The following CNTN1 variants were observed in gnomAD, a reference collection of about 807,000 sequenced individuals.
The protein encoded by CNTN1 is contactin 1.
A neutral mutation model predicts 126.4 loss-of-function variants in CNTN1; 38 were observed. The ratio of observed to expected loss-of-function variants is 0.30; its 90% CI spans 0.23 to 0.39. The LOEUF is 0.39. Ranked by LOEUF, CNTN1 falls within the 10% of genes least tolerant of loss-of-function variation. The probability of loss-of-function intolerance (pLI) is 1.00; values close to 1 mark genes in which losing one functional copy is unlikely to be tolerated. For synonymous variants in CNTN1, 413 were observed against 422.6 expected (o/e 0.98, Z 0.28); for missense variants, 1,009 against 1,248.4 (o/e 0.81, Z 2.89).
At chr12:40,902,729 A>G (rs1469434024) in intron 1 of CNTN1, among the ~76,000 whole-genome samples, 5 of 152,238 alleles carry the variant, frequency 3.3e-5, no homozygotes, top group Non-Finnish European at 7.3e-5. Context: ...ACACACTTTC[A>G]TTACATAGCA....
At chr12:40,761,537 T>C (rs1938865799) in intron 1 of CNTN1, among the ~76,000 whole-genome samples, 1 of 152,112 alleles carries the variant, frequency 6.6e-6, no homozygotes, top group African/African-American at 2.4e-5. Flanking sequence ...CATATTTTGG[T>C]TTTATTTTAT....
At chr12:40,749,370 CT>C (rs1565682213) in intron 1 of CNTN1, among the ~76,000 whole-genome samples, 2 of 152,016 alleles carry the variant, frequency 1.3e-5, no homozygotes, top group Non-Finnish European at 2.9e-5. Flanking sequence ...AAAAATATTT[CT>C]TTTTTTATCC....
intron 1 of CNTN1, among the ~76,000 whole-genome samples, chr12:40,791,570 A>C (rs1940221156): frequency 6.6e-6 from 1 of 152,142 alleles, no homozygotes; most frequent in African/African-American, 2.4e-5. Context: ...CTATTCCTTT[A>C]AATATTGTAG....
chr12:41,048,326 T>C (rs1949590921), intron 23 of CNTN1, among the ~76,000 whole-genome samples: 1 of 152,186 alleles, frequency 6.6e-6, no homozygotes, highest in Non-Finnish European at 1.5e-5. Context: ...ACCTTCTTTT[T>C]TTCTTTCCTT....
intron 1 of CNTN1, among the ~76,000 whole-genome samples, chr12:40,812,068 C>G (rs2136506331): frequency 6.6e-6 from 1 of 151,412 alleles, no homozygotes; most frequent in African/African-American, 2.4e-5. Context: ...TGCTGCATCC[C>G]TTAAATTTCG....
chr12:40,928,859 A>G (rs1195356033), intron 6 of CNTN1, among the ~76,000 whole-genome samples: 2 of 152,052 alleles, frequency 1.3e-5, no homozygotes, highest in African/African-American at 4.8e-5. Flanking sequence ...ATGATTATTC[A>G]TCTTTAAAAG....
intron 20 of CNTN1, among the ~76,000 whole-genome samples, chr12:41,024,896 TA>T (rs2120814254): frequency 6.6e-6 from 1 of 152,320 alleles, no homozygotes; most frequent in South Asian, 2.1e-4. Context: ...TTTTATTTTT[TA>T]TTTTTTTTAG....
In CNTN1 at chr12:40,908,511, T is replaced by A. The variant is rs1462783825; in HGVS notation, c.61+18T>A. ...TTTAGCAGGTAAGAAATATCCTTTG[T>A]ATATTCTACATATATTATGTCAACA... On this transcript the variant is annotated intron_variant, in intron 2 of 23. Coordinates refer to ENST00000551295, the MANE Select transcript of CNTN1 (RefSeq NM_001843.4). 1 of 1,510,196 alleles carries A rather than the reference T, an allele frequency of 6.6e-7. No individual in the cohort carries two copies. The highest frequency in any genetic ancestry group is 1.4e-5 in the African/African-American group (1 of 72,978). 93.5% of individuals were successfully genotyped at this position (1,510,196 alleles called of 1,614,324 possible).
At chr12:40,996,820 A>G (rs1948229794) in intron 17 of CNTN1, among the ~76,000 whole-genome samples, 1 of 152,210 alleles carries the variant, frequency 6.6e-6, no homozygotes. Flanking sequence ...TTGGACATTT[A>G]CATTTTTCAT....
intron 21 of CNTN1, 126 bp from the exon 22 acceptor site, chr12:41,027,731 T>C (rs1949063249): frequency 4.2e-6 from 3 of 719,226 alleles, no homozygotes; most frequent in Admixed American, 4.0e-5. Flanking sequence ...TGGCATATAG[T>C]AAACACTTAT....
intron 1 of CNTN1, among the ~76,000 whole-genome samples, chr12:40,737,752 C>A (rs752940537): frequency 5.3e-5 from 8 of 151,984 alleles, no homozygotes; most frequent in Non-Finnish European, 7.4e-5. Context: ...TCAGTATTAA[C>A]CATCACACAA....
chr12:41,029,035 G>C, intron 22 of CNTN1, 28 bp from the exon 23 acceptor site: 2 of 1,609,858 alleles, frequency 1.2e-6, no homozygotes, highest in Non-Finnish European at 1.7e-6. Context: ...TGACTTTACT[G>C]CATATTTACA....
intron 1 of CNTN1, among the ~76,000 whole-genome samples, chr12:40,814,335 A>AAGC (rs1475370525): frequency 6.6e-6 from 1 of 152,176 alleles, no homozygotes; most frequent in East Asian, 1.9e-4. Flanking sequence ...TTTGTGTTTT[A>AAGC]CATTTGAGTC....
chr12:40,746,776 C>T lies in CNTN1; in HGVS notation c.-77+54184C>T, dbSNP rs149089783. ...TTCTTCCCTTTTCCGGTGGAATGCC[C>T]GCGGAAGGTCATATACCAGTTAAAC... On this transcript the variant is annotated intron_variant, in intron 1 of 23. Transcript: ENST00000551295. Among the ~76,000 whole-genome samples the T allele has an allele frequency of 1.9e-3, 284 of 152,044 alleles. 4 individuals are homozygous for T. Among genetic ancestry groups the T allele is most frequent in the African/African-American group, 6.6e-3 (275 of 41,484 alleles).
At chr12:40,982,408 G>A (rs712134) in intron 16 of CNTN1, among the ~76,000 whole-genome samples, 99,925 of 152,038 alleles carry the variant, frequency 0.66, 32,958 homozygotes, top group Admixed American at 0.68. Context: ...ATTAAAATAA[G>A]TAAATGGTTT....
At chr12:40,793,531 G>A (rs757739711) in intron 1 of CNTN1, among the ~76,000 whole-genome samples, 1 of 151,270 alleles carries the variant, frequency 6.6e-6, no homozygotes, top group Non-Finnish European at 1.5e-5. Context: ...TTTGGACTCT[G>A]ACATCAACAT....
At chr12:40,747,770 T>C (rs1938242802) in intron 1 of CNTN1, among the ~76,000 whole-genome samples, 1 of 152,074 alleles carries the variant, frequency 6.6e-6, no homozygotes, top group Non-Finnish European at 1.5e-5. Context: ...TGACTGTGAT[T>C]TGATGCCAAA....
intron 16 of CNTN1, among the ~76,000 whole-genome samples, chr12:40,989,603 G>T (rs1948051516): frequency 6.6e-6 from 1 of 152,160 alleles, no homozygotes; most frequent in Non-Finnish European, 1.5e-5. Flanking sequence ...GATTGATATA[G>T]ACAAAGCTAT....
intron 23 of CNTN1, among the ~76,000 whole-genome samples, chr12:41,031,860 A>G (rs888510531): frequency 6.6e-6 from 1 of 152,150 alleles, no homozygotes; most frequent in Non-Finnish European, 1.5e-5. Flanking sequence ...TTGGATTTTC[A>G]AATCATTTAA....
Sources: allele counts gnomAD v4.1 joint callset (sites outside exome capture counted in the v4.1 genomes callset), GRCh38; gene constraint gnomAD v4.1.1; transcripts MANE v1.5; gene names NCBI Gene and HGNC (gene_info 2026-07-23, HGNC 2026-07-21).